ASB3: variants seen among roughly 807,000 people sequenced by gnomAD.
ASB3 encodes ankyrin repeat and SOCS box containing 3, also known as ankyrin repeat and SOCS box protein 3.
ASB3 carries 41 observed loss-of-function variants against 54.5 expected under a neutral mutation model. The observed-to-expected ratio is 0.75, with a 90% CI of 0.59 to 0.98. The LOEUF is 0.98. Among genes scored for constraint, ASB3 ranks in the 50% least tolerant of loss-of-function variants. The pLI, the probability that ASB3 is intolerant of heterozygous loss-of-function variation, is 0.00. For synonymous variants in ASB3, 266 were observed against 221.2 expected, an observed-to-expected ratio of 1.20 and a Z score of -1.80; for missense variants, 733 against 620.0, an observed-to-expected ratio of 1.18 and a Z score of -1.94.
chr2:53,728,157 G>T (rs1256600815), intron 5 of ASB3, among the ~76,000 whole-genome samples: 1 of 152,126 alleles, frequency 6.6e-6, no homozygotes, highest in East Asian at 1.9e-4. Flanking sequence ...AACATTTCTG[G>T]TCACAAAATT....
chr2:53,765,947 A>G (rs1363087359), intron 1 of ASB3, among the ~76,000 whole-genome samples: 2 of 136,348 alleles, frequency 1.5e-5, no homozygotes, highest in Non-Finnish European at 3.4e-5. Flanking sequence ...TGCTCCATTG[A>G]TAAGAGCACC....
intron 9 of ASB3, among the ~76,000 whole-genome samples, chr2:53,684,172 G>A (rs1454639339): frequency 2.0e-5 from 3 of 152,130 alleles, no homozygotes; most frequent in African/African-American, 7.2e-5. Context: ...TTAATAACTA[G>A]ATTCGTACAT....
intron 9 of ASB3, among the ~76,000 whole-genome samples, chr2:53,681,076 G>A (rs182031257): frequency 1.4e-3 from 216 of 152,108 alleles, no homozygotes; most frequent in African/African-American, 4.5e-3. Flanking sequence ...TCTTTTTTAT[G>A]GTTGAATAGT....
Position 53,733,915 on chromosome 2 carries a change from C to G in ASB3, c.356-4345G>C, listed in dbSNP as rs11897746. 9.0e-3 allele frequency among the ~76,000 whole-genome samples: 1,369 copies of G among 152,302 alleles called. 18 individuals are homozygous for G. The highest frequency in any genetic ancestry group is 0.031 in the African/African-American group (1,302 of 41,562). ...ATTGTTTCTACAGATTATAGATTAA[C>G]TAAAAGTATTCCTTATGGGAAACAA... On this transcript the variant is annotated intron_variant, in intron 3 of 9. Transcript: ENST00000263634.
intron 9 of ASB3, among the ~76,000 whole-genome samples, chr2:53,688,223 C>A (rs147636653): frequency 1.3e-5 from 2 of 152,312 alleles, no homozygotes; most frequent in East Asian, 3.9e-4. Context: ...ACAAATAAAC[C>A]CGAAAAACCA....
intron 3 of ASB3, among the ~76,000 whole-genome samples, chr2:53,734,830 T>C (rs2103934868): frequency 6.6e-6 from 1 of 152,286 alleles, no homozygotes; most frequent in East Asian, 1.9e-4. Context: ...AGTTTAGTTG[T>C]TCTATCCTAC....
rs75272537 is a variant in ASB3 at position 53,713,383 on chromosome 2, T to C, written c.980+1001A>G. Among the ~76,000 whole-genome samples the C allele has an allele frequency of 8.8e-3, 1,344 of 152,298 alleles. 30 individuals are homozygous for C. Among genetic ancestry groups the C allele is most frequent in the African/African-American group, 0.031 (1,289 of 41,562 alleles). Reference sequence around the variant, plus strand: ...GTGTCATTAAACACAATAGCATCTATCTTCATAACTTATTCCATTATTGGA... The same window carrying C: ...GTGTCATTAAACACAATAGCATCTACCTTCATAACTTATTCCATTATTGGA... On this transcript the variant is annotated intron_variant, in intron 7 of 9. Transcript: ENST00000263634.
At chr2:53,751,547 G>A (rs1322191743) in intron 2 of ASB3, among the ~76,000 whole-genome samples, 1 of 151,940 alleles carries the variant, frequency 6.6e-6, no homozygotes. Flanking sequence ...AAAACGTCAA[G>A]GTTCTGGTAA....
intron 7 of ASB3, among the ~76,000 whole-genome samples, chr2:53,709,172 C>A (rs913228372): frequency 2.6e-5 from 4 of 152,206 alleles, no homozygotes; most frequent in Non-Finnish European, 4.4e-5. Flanking sequence ...TTTCATGGGC[C>A]AGGCCCAGTG....
chr2:53,679,536 G>GC (rs1208725131), intron 9 of ASB3, among the ~76,000 whole-genome samples: 1 of 151,540 alleles, frequency 6.6e-6, no homozygotes, highest in East Asian at 1.9e-4. Flanking sequence ...TCTCCAACTG[G>GC]CCTACACGAA....
intron 2 of ASB3, chr2:53,756,736 T>C (rs1299062613): frequency 6.5e-6 from 1 of 153,026 alleles, no homozygotes; most frequent in East Asian, 1.9e-4. Flanking sequence ...TTTGTTCCAG[T>C]TCAAACTGAG....
intron 9 of ASB3, among the ~76,000 whole-genome samples, chr2:53,679,524 C>A (rs1014869218): frequency 1.3e-5 from 2 of 152,068 alleles, no homozygotes; most frequent in Non-Finnish European, 1.5e-5. Flanking sequence ...AGGCTAATCC[C>A]GTCTCCAACT....
intron 9 of ASB3, among the ~76,000 whole-genome samples, chr2:53,691,805 C>T (rs550531651): frequency 3.5e-4 from 53 of 152,272 alleles, no homozygotes; most frequent in African/African-American, 1.2e-3. Context: ...TACTAAAATT[C>T]CAGCATTGTA....
intron 2 of ASB3, among the ~76,000 whole-genome samples, chr2:53,758,677 G>A (rs573431662): frequency 2.0e-5 from 3 of 152,276 alleles, no homozygotes; most frequent in South Asian, 4.1e-4. Context: ...ACATTGGTGA[G>A]TGTAACTAAT....
At chr2:53,752,536 C>T (rs1225871567) in intron 2 of ASB3, among the ~76,000 whole-genome samples, 2 of 152,232 alleles carry the variant, frequency 1.3e-5, no homozygotes, top group Admixed American at 6.5e-5. Context: ...TATTCTGAGC[C>T]ACTCCACATT....
intron 1 of ASB3, among the ~76,000 whole-genome samples, chr2:53,775,773 GCCTATAATTTTTT>G (rs1674299063): frequency 6.6e-6 from 1 of 152,152 alleles, no homozygotes; most frequent in African/African-American, 2.4e-5. Flanking sequence ...ACCATGCCCG[GCCTATAATTTTTT>G]ATTTGTACAA....
intron 9 of ASB3, 108 bp from the exon 10 acceptor site, chr2:53,670,798 T>C (rs972061122): frequency 1.1e-5 from 14 of 1,286,030 alleles, no homozygotes; most frequent in Admixed American, 5.7e-5. Context: ...AAGTGATATA[T>C]TGCTTGAAAG....
chr2:53,690,272 A>T (rs1262425116), intron 9 of ASB3, among the ~76,000 whole-genome samples: 2 of 152,094 alleles, frequency 1.3e-5, no homozygotes, highest in Non-Finnish European at 2.9e-5. Context: ...TTAATTAATT[A>T]AATTAAAAAC....
At chr2:53,747,060 C>A (rs1312826904) in intron 3 of ASB3, among the ~76,000 whole-genome samples, 1 of 152,034 alleles carries the variant, frequency 6.6e-6, no homozygotes, top group Non-Finnish European at 1.5e-5. Context: ...GAAATATAAA[C>A]CCCTAAAAAC....
Sources: allele counts gnomAD v4.1 joint callset (sites outside exome capture counted in the v4.1 genomes callset), GRCh38; gene constraint gnomAD v4.1.1; transcripts MANE v1.5; gene names NCBI Gene and HGNC (gene_info 2026-07-23, HGNC 2026-07-21).